RANBP2: variants seen among roughly 807,000 people sequenced by gnomAD.
The protein encoded by RANBP2 is E3 SUMO-protein ligase RanBP2.
A neutral mutation model predicts 303.6 loss-of-function variants in RANBP2; 57 were observed. That is an observed-to-expected ratio of 0.19 (90% confidence interval 0.15 to 0.23). RANBP2 has a LOEUF of 0.23. RANBP2 is among the 10% of genes least tolerant of loss of function. The probability of loss-of-function intolerance (pLI) is 1.00; values close to 1 mark genes in which losing one functional copy is unlikely to be tolerated. For missense variants in RANBP2, 3,138 were observed against 3,780.8 expected (o/e 0.83, Z 4.46); for synonymous variants, 1,167 against 1,301.5 (o/e 0.90, Z 2.23).
At chr2:109,155,527 T>A in the RANBP2 span, among the ~76,000 whole-genome samples, 1 of 152,120 alleles carries the variant, frequency 6.6e-6, no homozygotes, top group Non-Finnish European at 1.5e-5. Context: ...GGTCTCGATC[T>A]CCTGACCTCG....
the RANBP2 span, among the ~76,000 whole-genome samples, chr2:109,514,027 C>T: frequency 1.3e-5 from 2 of 152,192 alleles, no homozygotes; most frequent in Admixed American, 1.3e-4. Context: ...GAGTTCTCCT[C>T]ACCACTCAAA....
chr2:109,088,234 T>C, the RANBP2 span, among the ~76,000 whole-genome samples: 1 of 151,872 alleles, frequency 6.6e-6, no homozygotes, highest in African/African-American at 2.4e-5. Flanking sequence ...TCATCTCTAC[T>C]AAAAATACAA....
the RANBP2 span, chr2:108,896,659 G>A: frequency 1.9e-6 from 1 of 531,954 alleles, no homozygotes; most frequent in Non-Finnish European, 3.4e-6. Context: ...GGCTGTATGA[G>A]TGAGTAGATA....
the RANBP2 span, chr2:108,895,699 T>C: frequency 6.6e-6 from 1 of 152,156 alleles, no homozygotes; most frequent in Non-Finnish European, 1.5e-5. Flanking sequence ...TAACATCTCA[T>C]TGGCAGACGA....
chr2:108,984,440 G>A, the RANBP2 span, among the ~76,000 whole-genome samples: 1 of 152,026 alleles, frequency 6.6e-6, no homozygotes, highest in African/African-American at 2.4e-5. Context: ...CCTTGCCACG[G>A]CCCGCTCAGG....
At chr2:109,509,788 C>G in the RANBP2 span, among the ~76,000 whole-genome samples, 39 of 152,136 alleles carry the variant, frequency 2.6e-4, no homozygotes, top group South Asian at 8.3e-4. Flanking sequence ...CAGAGACACA[C>G]GCTGAGGCAC....
At chr2:109,305,680 C>G in the RANBP2 span, among the ~76,000 whole-genome samples, 1 of 152,222 alleles carries the variant, frequency 6.6e-6, no homozygotes, top group African/African-American at 2.4e-5. Flanking sequence ...CCACTGCATG[C>G]CTGTCACTGT....
chr2:109,410,017 C>T, the RANBP2 span, among the ~76,000 whole-genome samples: 1 of 152,188 alleles, frequency 6.6e-6, no homozygotes, highest in Non-Finnish European at 1.5e-5. Context: ...CCCCGTACAG[C>T]CTGCCAACGC....
the RANBP2 span, among the ~76,000 whole-genome samples, chr2:108,848,742 C>T: frequency 6.6e-6 from 1 of 151,988 alleles, no homozygotes; most frequent in African/African-American, 2.4e-5. Flanking sequence ...TAAAACAATC[C>T]TAATATGTAA....
the RANBP2 span, among the ~76,000 whole-genome samples, chr2:109,625,092 A>C: frequency 1.2e-4 from 16 of 138,950 alleles, no homozygotes; most frequent in African/African-American, 4.1e-4. Context: ...AACAACAAAA[A>C]AAAAAAAAAA....
the RANBP2 span, among the ~76,000 whole-genome samples, chr2:109,356,082 G>A: frequency 6.6e-6 from 1 of 152,272 alleles, no homozygotes; most frequent in Non-Finnish European, 1.5e-5. Flanking sequence ...ATTCCTCTTT[G>A]GAGGTTGTAA....
chr2:109,174,705 C>T, the RANBP2 span, among the ~76,000 whole-genome samples: 1 of 152,208 alleles, frequency 6.6e-6, no homozygotes, highest in African/African-American at 2.4e-5. Flanking sequence ...GGCACATGCA[C>T]TGAGGTGGGA....
At chr2:109,225,469 C>T in the RANBP2 span, among the ~76,000 whole-genome samples, 6 of 152,316 alleles carry the variant, frequency 3.9e-5, no homozygotes, top group Admixed American at 2.0e-4. Flanking sequence ...CAGGCCAGGC[C>T]GACTCCCCAC....
the RANBP2 span, among the ~76,000 whole-genome samples, chr2:109,522,133 A>T: frequency 6.6e-6 from 1 of 152,066 alleles, no homozygotes; most frequent in Non-Finnish European, 1.5e-5. Flanking sequence ...GCCTCCTACC[A>T]GTTGAGATCA....
the RANBP2 span, among the ~76,000 whole-genome samples, chr2:109,474,836 C>T: frequency 1.4e-3 from 215 of 152,358 alleles, no homozygotes; most frequent in South Asian, 5.4e-3. Context: ...GCCCTGTGTG[C>T]GCCAAAGTCT....
the RANBP2 span, among the ~76,000 whole-genome samples, chr2:109,660,753 T>G: frequency 6.6e-6 from 1 of 152,212 alleles, no homozygotes. Flanking sequence ...CATTTTAATT[T>G]TCTGAAAAAC....
At chr2:109,692,173 GT>G in the RANBP2 span, among the ~76,000 whole-genome samples, 1 of 152,118 alleles carries the variant, frequency 6.6e-6, no homozygotes, top group South Asian at 2.1e-4. Flanking sequence ...TGGATAAAAT[GT>G]GGCAGCAGAA....
the RANBP2 span, among the ~76,000 whole-genome samples, chr2:109,294,151 C>T: frequency 2.0e-5 from 3 of 152,268 alleles, no homozygotes; most frequent in East Asian, 3.9e-4. Flanking sequence ...TTACTCTGCC[C>T]GAAAGTCTTT....
At chr2:108,959,281 G>T in the RANBP2 span, among the ~76,000 whole-genome samples, 1 of 152,184 alleles carries the variant, frequency 6.6e-6, no homozygotes, top group Non-Finnish European at 1.5e-5. Flanking sequence ...TGTGGTCTGC[G>T]ATCTGGGAAC....
Sources: allele counts gnomAD v4.1 joint callset (sites outside exome capture counted in the v4.1 genomes callset), GRCh38; gene constraint gnomAD v4.1.1; transcripts MANE v1.5; gene names NCBI Gene and HGNC (gene_info 2026-07-23, HGNC 2026-07-21).